Variants in CDKL5 observed in about 807,000 individuals in gnomAD.
CDKL5 encodes the protein cyclin-dependent kinase-like 5.
In CDKL5, 8 loss-of-function variants were observed where a neutral mutation model predicts 61.7. The ratio of observed to expected loss-of-function variants is 0.13; its 90% CI spans 0.08 to 0.23. The LOEUF is 0.23. Ranked by LOEUF, CDKL5 falls within the 10% of genes least tolerant of loss-of-function variation. The pLI, the probability that CDKL5 is intolerant of heterozygous loss-of-function variation, is 1.00. For missense variants in CDKL5, 440 were observed against 734.5 expected, an observed-to-expected ratio of 0.60 and a Z score of 4.63; for synonymous variants, 275 against 272.3, an observed-to-expected ratio of 1.01 and a Z score of -0.10.
intron 1 of CDKL5, among the ~76,000 whole-genome samples, chrX:18,457,986 T>A (rs1334171839): frequency 3.2e-5 from 3 of 93,213 alleles, no homozygotes; most frequent in Admixed American, 1.3e-4. Flanking sequence ...AATGGTGCGA[T>A]CTCGACTCAC....
chrX:18,620,282 T>C (rs764861161), intron 16 of CDKL5, among the ~76,000 whole-genome samples: 4 of 112,407 alleles, frequency 3.6e-5, no homozygotes, highest in African/African-American at 1.3e-4. Flanking sequence ...GATTTGTTTC[T>C]CTCTGGGGAT....
At chrX:18,464,595 A>G (rs1430851595) in intron 1 of CDKL5, among the ~76,000 whole-genome samples, 1 of 111,344 alleles carries the variant, frequency 9.0e-6, no homozygotes, top group Non-Finnish European at 1.9e-5. Context: ...AAACTATGCC[A>G]CAGTGAAGCA....
chrX:18,560,421 T>C (rs1460300159), intron 3 of CDKL5, among the ~76,000 whole-genome samples: 4 of 112,039 alleles, frequency 3.6e-5, no homozygotes, highest in African/African-American at 1.3e-4. Flanking sequence ...GTGAATAAGC[T>C]AAAACAAGGC....
At chrX:18,440,978 G>A (rs1229401025) in intron 1 of CDKL5, among the ~76,000 whole-genome samples, 4 of 111,277 alleles carry the variant, frequency 3.6e-5, no homozygotes, top group Non-Finnish European at 5.6e-5. Flanking sequence ...ATGAATTTTC[G>A]CCTCCTTTTA....
chrX:18,559,556 G>C (rs750312291), intron 3 of CDKL5, among the ~76,000 whole-genome samples: 1 of 110,690 alleles, frequency 9.0e-6, no homozygotes, highest in Admixed American at 9.6e-5. Flanking sequence ...GAAAAGATAT[G>C]GGAAGAGAAA....
At chrX:18,486,818 A>G (rs182007323) in intron 1 of CDKL5, among the ~76,000 whole-genome samples, 8 of 111,990 alleles carry the variant, frequency 7.1e-5, no homozygotes, top group Admixed American at 5.7e-4. Context: ...GCTTCCAAAT[A>G]AGTGCTTGAT....
intron 15 of CDKL5, among the ~76,000 whole-genome samples, chrX:18,617,346 G>C (rs1423636852): frequency 8.9e-6 from 1 of 111,759 alleles, no homozygotes; most frequent in Non-Finnish European, 1.9e-5. Context: ...CTGTCTCTGA[G>C]ATTGATGTGA....
chrX:18,536,079 C>G (rs1354344091), intron 3 of CDKL5: 1 of 112,316 alleles, frequency 8.9e-6, no homozygotes, highest in Non-Finnish European at 1.9e-5. Flanking sequence ...TGGGCACTAG[C>G]CATGGTAGGC....
rs773641641 is a variant in CDKL5 at position 18,425,667 on chromosome X, C to T, written c.-191C>T. ...ACGGCGTCCTCAGGAGCTGTGGGGT[C>T]CCCTGCTAGAAGTGGGGGACTCGGC... On this transcript the variant is annotated 5_prime_UTR_variant, in exon 1 of 18. Transcript: ENST00000623535. The T allele has an allele frequency of 8.9e-6, 1 of 112,361 alleles. No homozygotes were observed. Among genetic ancestry groups the T allele is most frequent in the African/African-American group, 3.2e-5 (1 of 31,010 alleles). 9.3% of individuals were successfully genotyped at this position (112,361 alleles called of 1,213,427 possible).
At chrX:18,449,499 C>T (rs200723387) in intron 1 of CDKL5, among the ~76,000 whole-genome samples, 1,642 of 111,738 alleles carry the variant, frequency 0.015, 69 homozygotes, top group East Asian at 0.11. Context: ...GCCCTTCCCC[C>T]CTGCCGCCCC....
At chrX:18,522,284 A>G (rs944755392) in intron 3 of CDKL5, among the ~76,000 whole-genome samples, 46 of 85,229 alleles carry the variant, frequency 5.4e-4, no homozygotes, top group Admixed American at 2.4e-3. Flanking sequence ...ATTCATTCGG[A>G]TGCCTTTTTT....
At chrX:18,536,439 T>C (rs955860330) in intron 3 of CDKL5, among the ~76,000 whole-genome samples, 1 of 64,771 alleles carries the variant, frequency 1.5e-5, no homozygotes, top group Non-Finnish European at 2.9e-5. Context: ...CAGGTTTTTT[T>C]TTTTTTTTTT....
chrX:18,580,025 A>G (rs749615964), intron 6 of CDKL5, 57 bp downstream of exon 6: 1 of 963,247 alleles, frequency 1.0e-6, no homozygotes, highest in Non-Finnish European at 1.5e-6. Context: ...AGTTAAGAGT[A>G]TTTCACATGT....
intron 1 of CDKL5, among the ~76,000 whole-genome samples, chrX:18,432,096 TTTC>T (rs1282774698): frequency 2.9e-5 from 3 of 103,391 alleles, no homozygotes. Context: ...TCTTTCTTTC[TTTC>T]TTTTTTTTTT....
intron 1 of CDKL5, among the ~76,000 whole-genome samples, chrX:18,469,580 G>A (rs1487157625): frequency 2.8e-5 from 3 of 105,299 alleles, no homozygotes; most frequent in African/African-American, 1.0e-4. Context: ...CCCAGGAGGC[G>A]GAGGTTGCAA....
intron 1 of CDKL5, 123 bp downstream of exon 1, chrX:18,425,818 CG>C (rs1212169581): frequency 8.9e-6 from 1 of 112,602 alleles, no homozygotes; most frequent in African/African-American, 3.2e-5. Context: ...AGAGAAGGGG[CG>C]GGGGCGCCGG....
At chrX:18,562,224 A>G (rs917963181) in intron 3 of CDKL5, among the ~76,000 whole-genome samples, 1 of 111,991 alleles carries the variant, frequency 8.9e-6, no homozygotes, top group African/African-American at 3.2e-5. Context: ...GAACTGTGAC[A>G]TGACTTTTTT....
rs568161022 is a variant in CDKL5, at chrX:18,646,049, C to T, written c.2756C>T (p.Pro919Leu). ...AGAAGACAGAGACACCATTCTGGAC[C>T]CCAAGATAGACGCTTCATGTTAAGG... The change falls in exon 20 of 22, where the codon CCC becomes CTC. Residue 919 changes from proline to leucine, a missense_variant. Coordinates refer to the CDKL5 transcript ENST00000379989. 9 of 1,210,189 alleles carry T rather than the reference C, an allele frequency of 7.4e-6. No individual in the cohort carries two copies. In the African/African-American group the frequency reaches 1.0e-4, roughly 14 times the overall value.
chrX:18,513,934 A>G (rs766280595), intron 3 of CDKL5, among the ~76,000 whole-genome samples: 2 of 111,938 alleles, frequency 1.8e-5, no homozygotes, highest in Non-Finnish European at 3.8e-5. Flanking sequence ...TCTTTTGCAT[A>G]CCTTTAAAAA....
Sources: gnomAD v4.1 joint callset for allele counts (sites outside exome capture counted in the v4.1 genomes callset) on GRCh38, gnomAD v4.1.1 for gene constraint, MANE v1.5 for transcripts, NCBI Gene and HGNC (gene_info 2026-07-23, HGNC 2026-07-21) for gene names.